KIAA1549: variants seen among roughly 807,000 people sequenced by gnomAD.
KIAA1549 encodes KIAA1549, also known as UPF0606 protein KIAA1549.
In KIAA1549, 70 loss-of-function variants were observed where a neutral mutation model predicts 156.4. The ratio of observed to expected loss-of-function variants is 0.45; its 90% CI spans 0.37 to 0.55. The LOEUF (loss-of-function observed/expected upper bound fraction) is 0.55. KIAA1549 is among the 20% of genes least tolerant of loss of function. The pLI is 0.00. For missense variants in KIAA1549, 2,428 were observed against 2,540.9 expected (o/e 0.96, Z 0.96); for synonymous variants, 1,103 against 1,066.4 (o/e 1.03, Z -0.67).
At chr7:138,909,974 T>C (rs1812121873) in intron 4 of KIAA1549, among the ~76,000 whole-genome samples, 1 of 152,026 alleles carries the variant, frequency 6.6e-6, no homozygotes, top group Non-Finnish European at 1.5e-5. Flanking sequence ...AAGAAATCAC[T>C]GTTAACTTCA....
chr7:138,913,558 C>T (rs1041855615), intron 2 of KIAA1549, among the ~76,000 whole-genome samples: 1 of 152,116 alleles, frequency 6.6e-6, no homozygotes, highest in African/African-American at 2.4e-5. Context: ...TTTTCCATTT[C>T]CTGATTTTAA....
intron 14 of KIAA1549, 70 bp from the exon 15 acceptor site, chr7:138,868,198 C>T: frequency 6.8e-7 from 1 of 1,460,478 alleles, no homozygotes; most frequent in African/African-American, 1.4e-5. Context: ...CAACTAAACA[C>T]TAAGTACCCT....
chr7:138,864,124 T>C (rs1810667720), intron 15 of KIAA1549, among the ~76,000 whole-genome samples: 1 of 152,204 alleles, frequency 6.6e-6, no homozygotes, highest in South Asian at 2.1e-4. Flanking sequence ...AGAAGCGATG[T>C]TCCTGGCGGT....
At position 138,944,464 on chromosome 7, in the gene KIAA1549, T is replaced by C. The variant is rs149351838; in HGVS notation, c.188-25026A>G. On this transcript the variant is annotated intron_variant, in intron 1 of 19. Coordinates refer to ENST00000422774, the MANE Select transcript of KIAA1549 (RefSeq NM_001164665.2). ...TTATACACAGCTGGTGCTTCCACTG[T>C]GGAAAAGAGTTTGGCGGGGATCTGG... Among the ~76,000 whole-genome samples the C allele has an allele frequency of 2.5e-3, 380 of 152,262 alleles. 1 individual carries two copies. The highest frequency in any genetic ancestry group is 6.8e-3 in the Middle Eastern group (2 of 294).
rs1347551714 is a variant in KIAA1549, at chr7:138,832,230, C to T, written c.*5676G>A. On this transcript the variant is annotated 3_prime_UTR_variant, in exon 20 of 20. Transcript: ENST00000422774. ...TTTTTTTCCAGAGACAGGACCTCAC[C>T]CTGCAGCCCAGGCTGGAGTGCAGTG... is the stretch of plus-strand genomic sequence containing the variant. 5.1e-6 allele frequency: 1 copy of T among 197,234 alleles called. No homozygotes were observed. Among genetic ancestry groups the T allele is most frequent in the African/African-American group, 2.6e-5 (1 of 38,778 alleles). 12.2% of individuals were successfully genotyped at this position (197,234 alleles called of 1,614,324 possible).
intron 1 of KIAA1549, among the ~76,000 whole-genome samples, chr7:138,934,574 A>G (rs1452323554): frequency 6.6e-6 from 1 of 152,094 alleles, no homozygotes; most frequent in Non-Finnish European, 1.5e-5. Flanking sequence ...AATAATAGAG[A>G]GTGCCGGAGA....
At chr7:138,962,680 G>A (rs1250237217) in intron 1 of KIAA1549, among the ~76,000 whole-genome samples, 2 of 152,168 alleles carry the variant, frequency 1.3e-5, no homozygotes, top group Non-Finnish European at 2.9e-5. Context: ...ACACAGCCAA[G>A]TGAGTGACCC....
chr7:138,943,885 A>G (rs1456681200), intron 1 of KIAA1549, among the ~76,000 whole-genome samples: 1 of 151,688 alleles, frequency 6.6e-6, no homozygotes, highest in Non-Finnish European at 1.5e-5. Flanking sequence ...GCATTACCTC[A>G]CATAGCTTAG....
intron 1 of KIAA1549, among the ~76,000 whole-genome samples, chr7:138,939,693 T>C (rs1813117940): frequency 6.6e-6 from 1 of 152,202 alleles, no homozygotes; most frequent in Non-Finnish European, 1.5e-5. Context: ...CTATTCTGAG[T>C]GATACTAAAA....
In KIAA1549 at chr7:138,837,998, C is replaced by T. The variant is rs1211496955; in HGVS notation, c.5761G>A (p.Gly1921Ser). Residue 1921 changes from glycine (G) to serine (S), a missense_variant, in exon 20 of 20, where the codon GGC (glycine) becomes AGC (serine). Physicochemically the swap from Gly to Ser is moderately conservative, Grantham distance 56. Coordinates refer to ENST00000422774, the MANE Select transcript of KIAA1549 (RefSeq NM_001164665.2). ...TTGATGAGAGAGGCCGAGGAGTGGCCAGGCTGGAGGTCTTCCGTGGAGCTG... is the reference window on the plus strand; with the variant it reads ...TTGATGAGAGAGGCCGAGGAGTGGCTAGGCTGGAGGTCTTCCGTGGAGCTG... Reference protein sequence around the residue: ...PTSSTEDLQPGHSSASLIKAI... With the variant: ...PTSSTEDLQPSHSSASLIKAI... The T allele has an allele frequency of 6.2e-7, 1 of 1,612,972 alleles. No homozygotes were observed. The highest frequency in any genetic ancestry group is 1.1e-5 in the South Asian group (1 of 90,648).
chr7:138,880,025 C>T (rs761408283), intron 11 of KIAA1549, among the ~76,000 whole-genome samples: 18 of 152,304 alleles, frequency 1.2e-4, no homozygotes, highest in African/African-American at 3.1e-4. Context: ...CTGGGGTTCA[C>T]GATTAACTAG....
In KIAA1549 at chr7:138,861,423, G is replaced by A. The variant is rs769880542; in HGVS notation, c.4963C>T (p.Pro1655Ser). ...TACCTCCCCAGTTCCACCGAGGATG[G>A]TGTCTGCACATCGGCTGGGAGGTCA... The part of the protein sequence containing the change: ...DPDLPADVQT[P>S]SSVELGRYPA... The change falls in exon 16 of 20, where the codon CCA (proline) becomes TCA (serine). Residue 1655 changes from proline (P) to serine (S), a missense_variant. Physicochemically the swap from Pro to Ser is moderately conservative, Grantham distance 74. Around this residue, in one of 5 missense-constraint regions of KIAA1549, gnomAD observed 404 missense variants for 417.0 expected, o/e 0.97. Transcript: ENST00000422774. 7 of 1,612,532 alleles carry A rather than the reference G, an allele frequency of 4.3e-6. No homozygotes were observed. In the Admixed American group the frequency reaches 1.0e-4, roughly 23 times the overall value.
rs1276686741 is a variant in KIAA1549 at position 138,917,046 on chromosome 7, G to A, written c.2580C>T (p.Pro860=). ...FVSEATPFPL[P]TELTVVGPSL... ...ATGGGCCCACGACGGTCAGCTCTGTGGGCAGAGGGAAGGGGGTTGCTTCAG... is the reference window on the plus strand; with the variant it reads ...ATGGGCCCACGACGGTCAGCTCTGTAGGCAGAGGGAAGGGGGTTGCTTCAG... The change falls in exon 2 of 20, where the codon CCC becomes CCT. Residue 860 remains proline, a synonymous_variant. Transcript: ENST00000422774. 1 of 1,607,696 alleles carries A rather than the reference G, an allele frequency of 6.2e-7. No homozygotes were observed. The highest frequency in any genetic ancestry group is 8.5e-7 in the Non-Finnish European group (1 of 1,177,208).
intron 1 of KIAA1549, among the ~76,000 whole-genome samples, chr7:138,932,216 T>G (rs928732007): frequency 2.6e-5 from 4 of 152,180 alleles, no homozygotes; most frequent in Non-Finnish European, 4.4e-5. Flanking sequence ...CACATGCTCG[T>G]GTAAGTTCTT....
chr7:138,866,859 G>A (rs940192012), intron 15 of KIAA1549, among the ~76,000 whole-genome samples: 1 of 152,184 alleles, frequency 6.6e-6, no homozygotes, highest in Non-Finnish European at 1.5e-5. Context: ...CTGGAGTGCA[G>A]TGGTGCGATC....
Position 138,845,726 on chromosome 7 carries a change from G to A in KIAA1549, c.5295-1252C>T, listed in dbSNP as rs1810054489. 2.6e-5 allele frequency among the ~76,000 whole-genome samples: 4 copies of A among 152,112 alleles called. No homozygotes were observed. The South Asian group carries it at 8.3e-4, about 32-fold the overall frequency. On this transcript the variant is annotated intron_variant, in intron 17 of 19. Transcript: ENST00000422774. Reference sequence around the variant, plus strand: ...CTCATCATCAAACTCATCCAGAAAAGTCTCTCGGTGCTAGGAAGTTGTCAA... The same window carrying A: ...CTCATCATCAAACTCATCCAGAAAAATCTCTCGGTGCTAGGAAGTTGTCAA...
At chr7:138,842,693 CA>C (rs34144804) in intron 18 of KIAA1549, among the ~76,000 whole-genome samples, 78 of 140,568 alleles carry the variant, frequency 5.5e-4, no homozygotes, top group Admixed American at 5.7e-4. Context: ...AACTCTGTCT[CA>C]AAAAAAAAAA....
rs145167813 is a variant in KIAA1549, at chr7:138,965,595, T to C, written c.187+15488A>G. Among the ~76,000 whole-genome samples, 1,173 of 152,300 alleles carry C rather than the reference T, an allele frequency of 7.7e-3. 16 individuals carry two copies. Among genetic ancestry groups the C allele is most frequent in the African/African-American group, 0.026 (1,098 of 41,564 alleles). ...TCCACAGCGTCGAATAAAATCATGGTGTGGATCTGTATTTCCTGACAACTA... is the reference window on the plus strand; with the variant it reads ...TCCACAGCGTCGAATAAAATCATGGCGTGGATCTGTATTTCCTGACAACTA... On this transcript the variant is annotated intron_variant, in intron 1 of 19. Coordinates refer to ENST00000422774, the MANE Select transcript of KIAA1549 (RefSeq NM_001164665.2).
rs1424886907 is a variant in KIAA1549 at position 138,916,815 on chromosome 7, T to G, written c.2811A>C (p.Thr937=). ...FTLEATVDTP[T]LATAKPPYVC... is the part of the protein sequence containing the mutation. ...CATATGGCGGCTTGGCAGTAGCCAGTGTTGGTGTGTCGACTGTTGCTTCGA... is the reference window on the plus strand; with the variant it reads ...CATATGGCGGCTTGGCAGTAGCCAGGGTTGGTGTGTCGACTGTTGCTTCGA... Residue 937 remains threonine, a synonymous_variant, in exon 2 of 20, where the codon ACA becomes ACC. Coordinates refer to ENST00000422774, the MANE Select transcript of KIAA1549 (RefSeq NM_001164665.2). 1.9e-6 allele frequency: 3 copies of G among 1,613,718 alleles called. No homozygotes were observed. The highest frequency in any genetic ancestry group is 2.5e-6 in the Non-Finnish European group (3 of 1,179,856).
Sources: gnomAD v4.1 joint callset for allele counts (sites outside exome capture counted in the v4.1 genomes callset) on GRCh38, gnomAD v4.1.1 for gene constraint, gnomAD v4.1.1 regional missense constraint, MANE v1.5 for transcripts, NCBI Gene and HGNC (gene_info 2026-07-23, HGNC 2026-07-21) for gene names.